SLCO4C1: variants seen among roughly 807,000 people sequenced by gnomAD.
SLCO4C1 encodes solute carrier organic anion transporter family member 4C1, also known as organic anion transporter M1.
Under a neutral mutation model 72.1 loss-of-function variants are expected in SLCO4C1, and 58 were observed. The observed-to-expected ratio is 0.80, with a 90% CI of 0.65 to 1.00. SLCO4C1 has a LOEUF of 1.00. Among genes scored for constraint, SLCO4C1 ranks in the 50% least tolerant of loss-of-function variants. The pLI, the probability that SLCO4C1 is intolerant of heterozygous loss-of-function variation, is 0.00. For synonymous variants in SLCO4C1, 297 were observed against 312.5 expected (o/e 0.95, Z 0.52); for missense variants, 898 against 857.9 (o/e 1.05, Z -0.58).
At chr5:102,245,395 T>A (rs1580240244) in intron 10 of SLCO4C1, among the ~76,000 whole-genome samples, 3 of 152,030 alleles carry the variant, frequency 2.0e-5, no homozygotes. Context: ...TAGGAGTCAC[T>A]ATACCTAGAA....
chr5:102,266,834 T>G (rs1749050604), intron 3 of SLCO4C1, among the ~76,000 whole-genome samples: 1 of 152,166 alleles, frequency 6.6e-6, no homozygotes, highest in Non-Finnish European at 1.5e-5. Context: ...GTTTTTATCA[T>G]GAAGGGATAT....
At chr5:102,252,033 G>GAAGAAGGAAGGGAGAAAAGC (rs1748749073) in intron 8 of SLCO4C1, among the ~76,000 whole-genome samples, 7 of 147,778 alleles carry the variant, frequency 4.7e-5, no homozygotes, top group Admixed American at 4.0e-4. Flanking sequence ...GAGGGAGAGG[G>GAAGAAGGAAGGGAGAAAAGC]AAGAAGGAAG....
chr5:102,279,685 A>G (rs1749317310), intron 2 of SLCO4C1, among the ~76,000 whole-genome samples: 1 of 152,056 alleles, frequency 6.6e-6, no homozygotes, highest in African/African-American at 2.4e-5. Context: ...AAATAGTACC[A>G]AACAGAATTC....
Position 102,239,368 on chromosome 5 carries a change from T to C in SLCO4C1, c.1897A>G (p.Ile633Val), listed in dbSNP as rs1377180634. The C allele has an allele frequency of 6.3e-7, 1 of 1,590,560 alleles. No individual in the cohort carries two copies. The highest frequency in any genetic ancestry group is 8.5e-7 in the Non-Finnish European group (1 of 1,169,624). Residue 633 changes from isoleucine to valine, a missense_variant, in exon 12 of 13, where the codon ATA becomes GTA. Ile to Val is a conservative substitution (Grantham distance 29, BLOSUM62 3). Coordinates refer to ENST00000310954, the MANE Select transcript of SLCO4C1 (RefSeq NM_180991.5). ...GTGCTGTCTATTGTGAAACCAAATATAATTGGTCCAGGAATTGTCCCTAAA... is the reference window on the plus strand; with the variant it reads ...GTGCTGTCTATTGTGAAACCAAATACAATTGGTCCAGGAATTGTCCCTAAA... ...RLLGTIPGPI[I>V]FGFTIDSTCI...
chr5:102,265,648 T>C (rs1580254301), intron 3 of SLCO4C1, among the ~76,000 whole-genome samples: 1 of 152,308 alleles, frequency 6.6e-6, no homozygotes, highest in East Asian at 1.9e-4. Context: ...CTGAGTTCTC[T>C]ATTCTGTTCC....
intron 8 of SLCO4C1, among the ~76,000 whole-genome samples, chr5:102,254,262 C>A (rs1169027120): frequency 1.3e-5 from 2 of 152,024 alleles, no homozygotes. Flanking sequence ...CTTTGCAAAT[C>A]TTGTGTTTTT....
chr5:102,274,872 T>C (rs1749220429), intron 2 of SLCO4C1, among the ~76,000 whole-genome samples: 1 of 152,170 alleles, frequency 6.6e-6, no homozygotes, highest in African/African-American at 2.4e-5. Context: ...TTGTTTATAG[T>C]TGACCACCCC....
At chr5:102,249,591 C>T (rs1285242702) in intron 9 of SLCO4C1, 47 bp downstream of exon 9, 2 of 1,604,144 alleles carry the variant, frequency 1.2e-6, no homozygotes, top group South Asian at 1.1e-5. Flanking sequence ...CAAGATAATC[C>T]ACAAACATAT....
At chr5:102,268,460 T>C (rs1466332894) in intron 3 of SLCO4C1, among the ~76,000 whole-genome samples, 1 of 152,268 alleles carries the variant, frequency 6.6e-6, no homozygotes, top group Non-Finnish European at 1.5e-5. Context: ...AATATCTTTT[T>C]TATCCCTTCA....
Position 102,234,569 on chromosome 5 carries a change from A to G in SLCO4C1, c.*2289T>C, listed in dbSNP as rs1001504037. On this transcript the variant is annotated 3_prime_UTR_variant, in exon 13 of 13. Coordinates refer to ENST00000310954, the MANE Select transcript of SLCO4C1 (RefSeq NM_180991.5). ...TAGCTAAGAATCTTTATAAACGCCAATGATTTAGTGACCTGTTTATCAAAC... is the reference window on the plus strand; with the variant it reads ...TAGCTAAGAATCTTTATAAACGCCAGTGATTTAGTGACCTGTTTATCAAAC... 2 of 152,316 alleles carry G rather than the reference A, an allele frequency of 1.3e-5. No individual in the cohort carries two copies. Among genetic ancestry groups the G allele is most frequent in the Non-Finnish European group, 2.9e-5 (2 of 68,020 alleles). 9.4% of individuals were successfully genotyped at this position (152,316 alleles called of 1,614,324 possible). A position where few individuals can be genotyped will look rare whatever the true frequency, so the allele number is the denominator to read the frequency against.
In SLCO4C1 at chr5:102,270,758, G is replaced by A. The variant is rs1465073097; in HGVS notation, c.668C>T (p.Ser223Phe). The A allele has an allele frequency of 1.4e-5, 23 of 1,612,358 alleles. No individual in the cohort carries two copies. The highest frequency in any genetic ancestry group is 1.9e-5 in the Non-Finnish European group (22 of 1,179,098). The stretch of plus-strand genomic sequence containing the variant: ...GACATACAAGTAGTTAGAAAGTGAA[G>A]AAGTTGAAGATGTACAACTGGTGCT... ...RNSTSCTSST[S>F]SLSNYLYVFI... Residue 223 changes from serine (S) to phenylalanine (F), a missense_variant, in exon 3 of 13, where the codon TCT becomes TTT. Ser to Phe is a radical substitution (Grantham distance 155, BLOSUM62 -2). Coordinates refer to ENST00000310954, the MANE Select transcript of SLCO4C1 (RefSeq NM_180991.5).
At chr5:102,267,763 G>A (rs939004961) in intron 3 of SLCO4C1, among the ~76,000 whole-genome samples, 2 of 151,752 alleles carry the variant, frequency 1.3e-5, no homozygotes, top group African/African-American at 4.8e-5. Flanking sequence ...AAAATTCCCT[G>A]TTAGCATTGC....
chr5:102,286,318 A>C, intron 2 of SLCO4C1, among the ~76,000 whole-genome samples: 1 of 152,138 alleles, frequency 6.6e-6, no homozygotes, highest in East Asian at 1.9e-4. Flanking sequence ...CTACTTTTCT[A>C]CAATTCCTCA....
At chr5:102,294,340 C>T (rs962282520) in intron 1 of SLCO4C1, among the ~76,000 whole-genome samples, 1 of 152,234 alleles carries the variant, frequency 6.6e-6, no homozygotes, top group African/African-American at 2.4e-5. Flanking sequence ...GCCACCATGC[C>T]CAGCCTATTG....
At chr5:102,291,080 C>T (rs928218333) in intron 2 of SLCO4C1, among the ~76,000 whole-genome samples, 2 of 152,184 alleles carry the variant, frequency 1.3e-5, no homozygotes, top group Non-Finnish European at 2.9e-5. Context: ...GAAAACAAGT[C>T]ATCTCTTCTT....
chr5:102,251,782 G>A (rs779741925), intron 8 of SLCO4C1, among the ~76,000 whole-genome samples: 88 of 152,222 alleles, frequency 5.8e-4, no homozygotes, highest in Non-Finnish European at 9.4e-4. Context: ...CTGAAACCAC[G>A]AACATTTATA....
intron 4 of SLCO4C1, among the ~76,000 whole-genome samples, chr5:102,263,040 C>A (rs1748970226): frequency 6.6e-6 from 1 of 152,128 alleles, no homozygotes; most frequent in Non-Finnish European, 1.5e-5. Flanking sequence ...GTAAGTAACT[C>A]AGTGTTGAAT....
In SLCO4C1 at chr5:102,291,620, A is replaced by G; in HGVS notation, c.356-14T>C. On this transcript the variant is annotated splice_polypyrimidine_tract_variant and intron_variant, in intron 1 of 12. Coordinates refer to ENST00000310954, the MANE Select transcript of SLCO4C1 (RefSeq NM_180991.5). ...TAACTACAATACCTAAAAAACAGAAAAGTTGATGTGCATCATTAATATTTT... is the reference window on the plus strand; with the variant it reads ...TAACTACAATACCTAAAAAACAGAAGAGTTGATGTGCATCATTAATATTTT... 1 of 1,586,718 alleles carries G rather than the reference A, an allele frequency of 6.3e-7. No individual in the cohort carries two copies. Among genetic ancestry groups the G allele is most frequent in the Non-Finnish European group, 8.6e-7 (1 of 1,163,992 alleles).
At chr5:102,257,535 A>G (rs758538517) in intron 7 of SLCO4C1, among the ~76,000 whole-genome samples, 17 of 152,072 alleles carry the variant, frequency 1.1e-4, no homozygotes, top group Non-Finnish European at 2.4e-4. Flanking sequence ...TAGGAATTTT[A>G]GCCTTTGTCT....
Sources: allele counts gnomAD v4.1 joint callset (sites outside exome capture counted in the v4.1 genomes callset), GRCh38; gene constraint gnomAD v4.1.1; transcripts MANE v1.5; gene names NCBI Gene and HGNC (gene_info 2026-07-23, HGNC 2026-07-21).